EMSY: variants seen among roughly 807,000 people sequenced by gnomAD.
EMSY encodes BRCA2-interacting transcriptional repressor EMSY.
EMSY carries 26 observed loss-of-function variants against 134.6 expected under a neutral mutation model. The observed-to-expected ratio is 0.19, with a 90% CI of 0.14 to 0.27. The LOEUF (loss-of-function observed/expected upper bound fraction) is 0.27, where lower values mean the gene tolerates loss of function less well. EMSY is among the 10% of genes least tolerant of loss of function. The probability of loss-of-function intolerance (pLI) is 1.00; values close to 1 mark genes in which losing one functional copy is unlikely to be tolerated. For synonymous variants in EMSY, 579 were observed against 577.8 expected (o/e 1.00, Z -0.03); for missense variants, 1,305 against 1,611.4 (o/e 0.81, Z 3.26).
At chr11:76,509,133 G>A (rs1386722120) in intron 9 of EMSY, among the ~76,000 whole-genome samples, 1 of 152,086 alleles carries the variant, frequency 6.6e-6, no homozygotes, top group East Asian at 1.9e-4. Flanking sequence ...TTGAATTATT[G>A]TGAGAATCAT....
intron 14 of EMSY, among the ~76,000 whole-genome samples, chr11:76,533,859 C>T (rs1047897585): frequency 2.0e-5 from 3 of 152,086 alleles, no homozygotes; most frequent in African/African-American, 4.8e-5. Context: ...CTAGTCATTG[C>T]GTTCCATGAC....
At chr11:76,511,514 A>G (rs1950275184) in intron 9 of EMSY, among the ~76,000 whole-genome samples, 1 of 152,100 alleles carries the variant, frequency 6.6e-6, no homozygotes, top group Non-Finnish European at 1.5e-5. Context: ...CCTGGCCAAC[A>G]TGGTGAAACC....
At chr11:76,552,668 C>G (rs1951864169), downstream of EMSY, 1 of 152,134 alleles carries the variant, frequency 6.6e-6, no homozygotes. Flanking sequence ...TATTCACATG[C>G]CATAAACTCT....
chr11:76,507,253 T>A (rs1014193493), intron 9 of EMSY, among the ~76,000 whole-genome samples: 6 of 152,212 alleles, frequency 3.9e-5, no homozygotes, highest in African/African-American at 1.4e-4. Context: ...TTGATGGCTG[T>A]TGACTGGTCA....
chr11:76,458,135 T>G, intron 4 of EMSY, 48 bp from the exon 6 acceptor site: 6 of 1,516,480 alleles, frequency 4.0e-6, no homozygotes, highest in Non-Finnish European at 5.3e-6. Flanking sequence ...GTTTGATTTG[T>G]TTTTAGTGAT....
chr11:76,463,648 A>G (rs1185670846), intron 6 of EMSY, among the ~76,000 whole-genome samples, 173 bp from the exon 8 acceptor site: 1 of 150,986 alleles, frequency 6.6e-6, no homozygotes, highest in Non-Finnish European at 1.5e-5. Flanking sequence ...AAAAAAAAAA[A>G]GAAAGGAGGG....
At chr11:76,542,163 T>G (rs572004008) in intron 17 of EMSY, 53 bp from the exon 19 acceptor site, 1 of 1,597,326 alleles carries the variant, frequency 6.3e-7, no homozygotes, top group Admixed American at 1.7e-5. Flanking sequence ...GACTACTGGT[T>G]ACAGATGCTG....
chr11:76,479,551 TA>T (rs1479771435), intron 8 of EMSY, among the ~76,000 whole-genome samples: 1 of 152,150 alleles, frequency 6.6e-6, no homozygotes, highest in African/African-American at 2.4e-5. Flanking sequence ...TTCTGTGGTG[TA>T]AAGATGTTGA....
chr11:76,451,564 T>G (rs1261902199), intron 2 of EMSY, among the ~76,000 whole-genome samples: 1 of 152,250 alleles, frequency 6.6e-6, no homozygotes, highest in Non-Finnish European at 1.5e-5. Flanking sequence ...TTCCCAGTTG[T>G]TGGTATCATT....
At chr11:76,513,980 A>G (rs773115166) in intron 10 of EMSY, among the ~76,000 whole-genome samples, 1 of 152,160 alleles carries the variant, frequency 6.6e-6, no homozygotes, top group Non-Finnish European at 1.5e-5. Context: ...GTTACATTAC[A>G]GTTTAGTAAG....
chr11:76,496,347 A>G, exon 9 of EMSY: 1 of 1,614,158 alleles, frequency 6.2e-7, no homozygotes, highest in Non-Finnish European at 8.5e-7. Flanking sequence ...CAGTTATATC[A>G]AGTGCAACAG....
chr11:76,496,855 C>T, intron 9 of EMSY: 2 of 298,822 alleles, frequency 6.7e-6, no homozygotes, highest in Non-Finnish European at 6.4e-6. Context: ...TTTGTTTCTT[C>T]CTTTCCAATC....
chr11:76,484,965 C>G (rs1277446216), intron 8 of EMSY, among the ~76,000 whole-genome samples: 1 of 151,240 alleles, frequency 6.6e-6, no homozygotes, highest in Non-Finnish European at 1.5e-5. Context: ...TGGATAAATT[C>G]CTGGACACAT....
exon 12 of EMSY, chr11:76,523,285 T>A: frequency 1.2e-6 from 2 of 1,611,672 alleles, no homozygotes; most frequent in Non-Finnish European, 1.7e-6. Flanking sequence ...CGTTGCTAAA[T>A]GCTGGAGTAA....
rs1259294626 is a variant in EMSY at position 76,523,245 on chromosome 11, A to C, written c.1775A>C (p.Gln592Pro). The change falls in exon 12 of 21, where the codon CAA (glutamine) becomes CCA (proline). Residue 592 changes from glutamine to proline, a missense_variant. Physicochemically the swap from Gln to Pro is moderately conservative, Grantham distance 76 (BLOSUM62 -1). Around this residue, in one of 7 missense-constraint regions of EMSY, gnomAD observed 198 missense variants for 287.6 expected, o/e 0.69. Transcript: ENST00000334736. ...ACTACAGGAAAAGGAACGACCATTC[A>C]AGGCCTCCCGGGCAAAAATGTTGTC... 3.7e-6 allele frequency: 6 copies of C among 1,613,652 alleles called. No individual in the cohort carries two copies. The Admixed American group carries it at 8.3e-5, about 22-fold the overall frequency.
intron 13 of EMSY, among the ~76,000 whole-genome samples, chr11:76,527,976 A>T (rs1331289744): frequency 6.6e-6 from 1 of 152,034 alleles, no homozygotes; most frequent in Non-Finnish European, 1.5e-5. Context: ...TTTACTATAT[A>T]GTCTACAGAT....
chr11:76,472,458 CTTCG>C, intron 7 of EMSY, 102 bp from the exon 9 acceptor site: 1 of 1,097,616 alleles, frequency 9.1e-7, no homozygotes, highest in South Asian at 1.9e-5. Flanking sequence ...TGAATTGCTT[CTTCG>C]TTTTTCATAA....
intron 3 of EMSY, among the ~76,000 whole-genome samples, chr11:76,452,414 T>A (rs1382486868): frequency 2.6e-5 from 4 of 152,228 alleles, no homozygotes; most frequent in Non-Finnish European, 5.9e-5. Context: ...AGTGAAAATA[T>A]GGAAGAGGCT....
rs1947321514 is a variant in EMSY, at chr11:76,445,068, T to G, written c.-100T>G. 1 of 152,994 alleles carries G rather than the reference T, an allele frequency of 6.5e-6. No homozygotes were observed. The highest frequency in any genetic ancestry group is 1.5e-5 in the Non-Finnish European group (1 of 68,240). 9.5% of individuals were successfully genotyped at this position (152,994 alleles called of 1,614,324 possible). ...CAGAGGCACCGCAAACAAACCCAAT[T>G]CCTGGTGTCCCCTAGTCTTGGCGGA... On this transcript the variant is annotated 5_prime_UTR_variant, in exon 1 of 21. It adds an upstream start codon to the 5' untranslated region. Coordinates refer to ENST00000334736, the Ensembl canonical transcript of EMSY.
Sources: allele counts gnomAD v4.1 joint callset (sites outside exome capture counted in the v4.1 genomes callset), GRCh38; gene constraint gnomAD v4.1.1; regional missense constraint gnomAD v4.1.1; transcripts MANE v1.5; gene names NCBI Gene and HGNC (gene_info 2026-07-23, HGNC 2026-07-21).